The following CNTNAP2 variants were observed in gnomAD, a reference collection of about 807,000 sequenced individuals.
CNTNAP2 encodes contactin-associated protein-like 2.
In CNTNAP2, 98 loss-of-function variants were observed where a neutral mutation model predicts 155.2. The observed-to-expected ratio is 0.63, with a 90% CI of 0.54 to 0.75. The LOEUF (loss-of-function observed/expected upper bound fraction) is 0.75, where lower values mean the gene tolerates loss of function less well. Ranked by LOEUF, CNTNAP2 falls within the 30% of genes least tolerant of loss-of-function variation. CNTNAP2 has a pLI of 0.00. For synonymous variants in CNTNAP2, 651 were observed against 631.2 expected (o/e 1.03, Z -0.47); for missense variants, 1,727 against 1,688.1 (o/e 1.02, Z -0.40).
At chr7:147,993,112 T>G (rs1031697784) in intron 15 of CNTNAP2, among the ~76,000 whole-genome samples, 4 of 152,186 alleles carry the variant, frequency 2.6e-5, no homozygotes, top group Non-Finnish European at 5.9e-5. Flanking sequence ...AGGATTGCTA[T>G]GAGAGAACCC....
At chr7:147,326,511 T>C (rs1356025277) in intron 9 of CNTNAP2, among the ~76,000 whole-genome samples, 6 of 152,218 alleles carry the variant, frequency 3.9e-5, no homozygotes, top group African/African-American at 1.4e-4. Flanking sequence ...AAATATTTGT[T>C]TGAGCCTCTG....
chr7:148,360,898 C>T (rs1798608000), intron 21 of CNTNAP2, among the ~76,000 whole-genome samples: 1 of 151,614 alleles, frequency 6.6e-6, no homozygotes, highest in African/African-American at 2.4e-5. Context: ...CAACCTCTGC[C>T]CCCCAGATTC....
At chr7:148,010,529 A>AT (rs35003853) in intron 15 of CNTNAP2, among the ~76,000 whole-genome samples, 16,041 of 151,722 alleles carry the variant, frequency 0.11, 1,181 homozygotes, top group East Asian at 0.24. Context: ...ATGGAACTCA[A>AT]TTTTTTTAAT....
chr7:147,142,292 G>C (rs1563091583), intron 8 of CNTNAP2, among the ~76,000 whole-genome samples: 1 of 152,138 alleles, frequency 6.6e-6, no homozygotes. Flanking sequence ...AAGTGTTGTT[G>C]AATTTTGTCA....
Position 146,483,314 on chromosome 7 carries a change from T to A in CNTNAP2, c.98-290957T>A, listed in dbSNP as rs1215203644. Among the ~76,000 whole-genome samples the A allele has an allele frequency of 3.0e-3, 269 of 91,178 alleles. 11 individuals carry two copies. The highest frequency in any genetic ancestry group is 0.012 in the African/African-American group (220 of 19,026). 59.8% of individuals were successfully genotyped at this position (91,178 alleles called of 152,430 possible). A position where few individuals can be genotyped will look rare whatever the true frequency, so the allele number is the denominator to read the frequency against. ...ATATATATATATATATATATATATATATATATATATATATACATATATATA... is the reference window on the plus strand; with the variant it reads ...ATATATATATATATATATATATATAAATATATATATATATACATATATATA... On this transcript the variant is annotated intron_variant, in intron 1 of 23. Transcript: ENST00000361727.
At chr7:146,633,558 T>C (rs1444360113) in intron 1 of CNTNAP2, among the ~76,000 whole-genome samples, 1 of 151,998 alleles carries the variant, frequency 6.6e-6, no homozygotes, top group Non-Finnish European at 1.5e-5. Context: ...AATGCTGCCG[T>C]TATCTGAACA....
intron 21 of CNTNAP2, among the ~76,000 whole-genome samples, chr7:148,282,539 T>A (rs1056687124): frequency 1.3e-5 from 2 of 152,180 alleles, no homozygotes; most frequent in African/African-American, 4.8e-5. Flanking sequence ...ACAGTGAGTG[T>A]CCAGTACGTC....
chr7:148,345,928 T>C (rs545442083), intron 21 of CNTNAP2, among the ~76,000 whole-genome samples: 1 of 152,342 alleles, frequency 6.6e-6, no homozygotes, highest in Non-Finnish European at 1.5e-5. Context: ...CTTTGAAATT[T>C]GCTGGGCTTT....
Position 147,852,115 on chromosome 7 carries a change from G to T in CNTNAP2, c.2099-51450G>T, listed in dbSNP as rs966532342. On this transcript the variant is annotated intron_variant, in intron 13 of 23. Coordinates refer to ENST00000361727, the MANE Select transcript of CNTNAP2 (RefSeq NM_014141.6). ...GGAACTCCAGTGTGAAGAGAGGTAT[G>T]CACAACCTCACGGTCCTCAGGTTGT... 4.6e-5 allele frequency among the ~76,000 whole-genome samples: 7 copies of T among 152,120 alleles called. No individual in the cohort carries two copies. In the East Asian group the frequency reaches 1.4e-3, roughly 29 times the overall value.
intron 10 of CNTNAP2, among the ~76,000 whole-genome samples, chr7:147,467,779 C>G (rs1212167745): frequency 6.6e-6 from 1 of 152,150 alleles, no homozygotes; most frequent in East Asian, 1.9e-4. Context: ...ACCTGTTACC[C>G]AATACTCTGG....
chr7:147,824,280 C>T (rs1798410709), intron 13 of CNTNAP2, among the ~76,000 whole-genome samples: 3 of 152,248 alleles, frequency 2.0e-5, no homozygotes, highest in Middle Eastern at 3.4e-3. Context: ...CCTTCCTTGT[C>T]TTCTAGTAGT....
intron 9 of CNTNAP2, among the ~76,000 whole-genome samples, chr7:147,376,631 G>A (rs1156552562): frequency 1.3e-5 from 2 of 151,700 alleles, no homozygotes; most frequent in Non-Finnish European, 2.9e-5. Flanking sequence ...CTGTGCTTCA[G>A]AGTGTTATTC....
At chr7:146,805,896 T>C (rs1237259557) in intron 2 of CNTNAP2, among the ~76,000 whole-genome samples, 3 of 152,198 alleles carry the variant, frequency 2.0e-5, no homozygotes, top group African/African-American at 4.8e-5. Flanking sequence ...AGAAGTCAAT[T>C]TTTTTTAAAG....
chr7:148,370,509 C>T (rs1229158464), intron 21 of CNTNAP2, among the ~76,000 whole-genome samples: 1 of 152,158 alleles, frequency 6.6e-6, no homozygotes. Flanking sequence ...TGTGGATTTT[C>T]TGTGGAGATT....
In CNTNAP2 at chr7:146,504,425, G is replaced by C. The variant is rs7779208; in HGVS notation, c.98-269846G>C. On this transcript the variant is annotated intron_variant, in intron 1 of 23. Coordinates refer to ENST00000361727, the MANE Select transcript of CNTNAP2 (RefSeq NM_014141.6). ...TGTTTTGTTGATTGTCAGGGATGAA[G>C]GTACAACATTGCATTCCCAAAACAG... 3.9e-3 allele frequency among the ~76,000 whole-genome samples: 589 copies of C among 152,304 alleles called. 1 individual carries two copies. Among genetic ancestry groups the C allele is most frequent in the African/African-American group, 0.012 (497 of 41,558 alleles).
At position 147,562,405 on chromosome 7, in the gene CNTNAP2, G is replaced by T. The variant is rs1484843580; in HGVS notation, c.1897+148G>T. ...TGCTGGATTTGTTAGATAAGATGAT[G>T]AAATGTATTATTAGAGCAATAAAAC... On this transcript the variant is annotated intron_variant, in intron 12 of 23. Coordinates refer to ENST00000361727, the MANE Select transcript of CNTNAP2 (RefSeq NM_014141.6). The T allele has an allele frequency of 1.7e-5, 18 of 1,038,732 alleles. No individual in the cohort carries two copies. In the South Asian group the frequency reaches 2.5e-4, roughly 15 times the overall value. The allele number at this position is 1,038,732 out of a possible 1,614,324, so 64.3% of individuals were successfully genotyped here. A position where few individuals can be genotyped will look rare whatever the true frequency, so the allele number is the denominator to read the frequency against.
chr7:146,530,482 C>G (rs532228253), intron 1 of CNTNAP2, among the ~76,000 whole-genome samples: 4 of 152,080 alleles, frequency 2.6e-5, no homozygotes, highest in Admixed American at 2.6e-4. Flanking sequence ...ACTGTGCATC[C>G]AACAGCAGTC....
chr7:147,964,446 T>G (rs577159013), intron 14 of CNTNAP2, among the ~76,000 whole-genome samples: 23 of 152,244 alleles, frequency 1.5e-4, no homozygotes, highest in African/African-American at 5.3e-4. Flanking sequence ...TCATTTTCCT[T>G]TCCTATTTTC....
At chr7:146,928,893 T>C (rs907788789) in intron 3 of CNTNAP2, among the ~76,000 whole-genome samples, 37 of 152,224 alleles carry the variant, frequency 2.4e-4, no homozygotes, top group Admixed American at 7.2e-4. Context: ...GAGGGGCGCC[T>C]GCCATTGCCC....
Sources: gnomAD v4.1 joint callset for allele counts (sites outside exome capture counted in the v4.1 genomes callset) on GRCh38, gnomAD v4.1.1 for gene constraint, MANE v1.5 for transcripts, NCBI Gene and HGNC (gene_info 2026-07-23, HGNC 2026-07-21) for gene names.